The following WWTR1 variants were observed in gnomAD, a reference collection of about 807,000 sequenced individuals.
WWTR1 encodes the protein WW domain-containing transcription regulator protein 1.
In WWTR1, 13 loss-of-function variants were observed where a neutral mutation model predicts 40.1. The observed-to-expected ratio is 0.32, with a 90% CI of 0.21 to 0.52. The LOEUF is 0.52. WWTR1 is among the 20% of genes least tolerant of loss of function. WWTR1 has a pLI of 0.97. For synonymous variants in WWTR1, 230 were observed against 210.1 expected, an observed-to-expected ratio of 1.09 and a Z score of -0.82; for missense variants, 436 against 523.1, an observed-to-expected ratio of 0.83 and a Z score of 1.63.
At chr3:149,559,954 G>A (rs1317233542) in intron 3 of WWTR1, among the ~76,000 whole-genome samples, 2 of 152,186 alleles carry the variant, frequency 1.3e-5, no homozygotes, top group African/African-American at 2.4e-5. Context: ...CAGAAGAAAC[G>A]CCACTGGATA....
chr3:149,652,458 A>G lies in WWTR1; in HGVS notation c.431+4418T>C, dbSNP rs112431102. 8.9e-3 allele frequency among the ~76,000 whole-genome samples: 1,343 copies of G among 151,060 alleles called. 21 individuals are homozygous for G. The highest frequency in any genetic ancestry group is 0.031 in the African/African-American group (1,277 of 41,168). On this transcript the variant is annotated intron_variant, in intron 2 of 6. Transcript: ENST00000360632. ...GCAGCATAGGAAACCCTGTCTCTACAAAAAAGTTAAATAAATTAGCCAAAT... is the reference window on the plus strand; with the variant it reads ...GCAGCATAGGAAACCCTGTCTCTACGAAAAAGTTAAATAAATTAGCCAAAT...
Position 149,685,356 on chromosome 3 carries a change from T to G in WWTR1, c.-107-15465A>C, listed in dbSNP as rs573490389. On this transcript the variant is annotated intron_variant, in intron 1 of 7. Transcript: ENST00000465804. The stretch of plus-strand genomic sequence containing the variant: ...ACAGAGAAAACCAGTCTGGAGAAAA[T>G]GAGGCTGATGTGCTGAGAGAAGCAG... Among the ~76,000 whole-genome samples, 4 of 152,144 alleles carry G rather than the reference T, an allele frequency of 2.6e-5. No homozygotes were observed. In the South Asian group the frequency reaches 8.3e-4, roughly 32 times the overall value.
rs1455912139 is a variant in WWTR1, at chr3:149,721,566, C to A, written n.459+2514G>T. Among the ~76,000 whole-genome samples the A allele has an allele frequency of 2.0e-5, 3 of 152,238 alleles. No homozygotes were observed. In the East Asian group the frequency reaches 5.8e-4, roughly 29 times the overall value. The stretch of plus-strand genomic sequence containing the variant: ...TAAGGGATATTGGTCTATTAGTTTT[C>A]TTTTCTTGTAGAGTCTTTGTCTGGC... On this transcript the variant is annotated intron_variant and non_coding_transcript_variant, in intron 4 of 6. Transcript: ENST00000474080.
At chr3:149,544,938 G>T (rs1371515688) in intron 3 of WWTR1, among the ~76,000 whole-genome samples, 3 of 152,154 alleles carry the variant, frequency 2.0e-5, no homozygotes, top group African/African-American at 7.2e-5. Context: ...AGACAGTTTA[G>T]GTTTCCCCCT....
At chr3:149,705,330 G>A (rs1383809883), upstream of WWTR1, among the ~76,000 whole-genome samples, 4 of 152,188 alleles carry the variant, frequency 2.6e-5, no homozygotes, top group Non-Finnish European at 5.9e-5. Flanking sequence ...GATGAAAATA[G>A]ACCATTGTGA....
At chr3:149,607,464 GC>G (rs2108061256) in intron 2 of WWTR1, among the ~76,000 whole-genome samples, 1 of 152,182 alleles carries the variant, frequency 6.6e-6, no homozygotes, top group South Asian at 2.1e-4. Flanking sequence ...ACAGGCACAC[GC>G]CGCAATGCCC....
intron 5 of WWTR1, among the ~76,000 whole-genome samples, chr3:149,527,275 G>T (rs1364708548): frequency 6.6e-6 from 1 of 151,716 alleles, no homozygotes; most frequent in Non-Finnish European, 1.5e-5. Context: ...AGCCTCCCGA[G>T]TAGCTGGGAT....
intron 1 of WWTR1, 115 bp downstream of exon 1, chr3:149,657,650 C>G: frequency 4.4e-6 from 1 of 227,806 alleles, no homozygotes. Context: ...GACAGGCAGC[C>G]CCCCGAAAGA....
chr3:149,617,026 A>G (rs1740007795), intron 2 of WWTR1, among the ~76,000 whole-genome samples: 1 of 152,218 alleles, frequency 6.6e-6, no homozygotes. Flanking sequence ...AATGTAGAAA[A>G]AAAATGTCCC....
chr3:149,585,553 C>T (rs1202424776), intron 2 of WWTR1, among the ~76,000 whole-genome samples: 2 of 121,434 alleles, frequency 1.6e-5, no homozygotes, highest in Admixed American at 8.6e-5. Context: ...ACCAGCACCC[C>T]ACAATTTTTT....
At chr3:149,532,696 C>G (rs977694774) in intron 4 of WWTR1, among the ~76,000 whole-genome samples, 3 of 152,164 alleles carry the variant, frequency 2.0e-5, no homozygotes, top group Non-Finnish European at 2.9e-5. Flanking sequence ...GCCATCCAAA[C>G]AGGGGAGGGT....
intron 3 of WWTR1, among the ~76,000 whole-genome samples, chr3:149,568,535 A>C (rs1279019824): frequency 1.4e-5 from 2 of 138,152 alleles, no homozygotes; most frequent in African/African-American, 5.4e-5. Flanking sequence ...AAAAAAAAAA[A>C]AAAAAAAAAA....
At chr3:149,630,991 T>C (rs1273445215) in intron 2 of WWTR1, among the ~76,000 whole-genome samples, 1 of 152,184 alleles carries the variant, frequency 6.6e-6, no homozygotes, top group Non-Finnish European at 1.5e-5. Flanking sequence ...ACAAATATTC[T>C]TTTGTTGAGA....
intron 2 of WWTR1, among the ~76,000 whole-genome samples, chr3:149,578,703 G>T (rs1039793701): frequency 6.6e-6 from 1 of 152,130 alleles, no homozygotes; most frequent in Admixed American, 6.6e-5. Context: ...TTAGAGACTA[G>T]CCTGGCGAAC....
At chr3:149,695,181 C>T (rs1714944673) in intron 1 of WWTR1, among the ~76,000 whole-genome samples, 1 of 151,616 alleles carries the variant, frequency 6.6e-6, no homozygotes, top group Non-Finnish European at 1.5e-5. Flanking sequence ...AAGGTGGATG[C>T]AAGTGGGGAT....
intron 2 of WWTR1, among the ~76,000 whole-genome samples, chr3:149,588,809 C>T (rs1738559154): frequency 6.6e-6 from 1 of 152,136 alleles, no homozygotes; most frequent in Non-Finnish European, 1.5e-5. Context: ...CTCATTACAG[C>T]CTCTGAAAAT....
intron 2 of WWTR1, among the ~76,000 whole-genome samples, chr3:149,586,926 T>C (rs1738457519): frequency 6.6e-6 from 1 of 152,168 alleles, no homozygotes; most frequent in South Asian, 2.1e-4. Context: ...CCAGAGAGGG[T>C]GTGGAAGCTC....
intron 2 of WWTR1, among the ~76,000 whole-genome samples, chr3:149,655,050 C>T (rs1320750434): frequency 2.6e-5 from 4 of 151,558 alleles, no homozygotes; most frequent in African/African-American, 7.3e-5. Context: ...GGCGTGAACC[C>T]GGTAGGCGGA....
intron 2 of WWTR1, among the ~76,000 whole-genome samples, chr3:149,614,453 T>C (rs771717671): frequency 9.2e-5 from 14 of 152,188 alleles, no homozygotes; most frequent in Non-Finnish European, 1.5e-4. Context: ...GACTATACTT[T>C]CTATGATGTT....
Sources: gnomAD v4.1 joint callset for allele counts (sites outside exome capture counted in the v4.1 genomes callset) on GRCh38, gnomAD v4.1.1 for gene constraint, MANE v1.5 for transcripts, NCBI Gene and HGNC (gene_info 2026-07-23, HGNC 2026-07-21) for gene names.